DNAJB6: variants seen among roughly 807,000 people sequenced by gnomAD.
DNAJB6 encodes the protein dnaJ homolog subfamily B member 6.
Under a neutral mutation model 42.7 loss-of-function variants are expected in DNAJB6, and 16 were observed. The ratio of observed to expected loss-of-function variants is 0.37; its 90% confidence interval spans 0.25 to 0.57. The LOEUF is 0.57. Ranked by LOEUF, DNAJB6 falls within the 20% of genes least tolerant of loss-of-function variation. The pLI is 0.74. For missense variants in DNAJB6, 347 were observed against 416.8 expected, an observed-to-expected ratio of 0.83 and a Z score of 1.46; for synonymous variants, 170 against 163.5, an observed-to-expected ratio of 1.04 and a Z score of -0.30.
intron 2 of DNAJB6, among the ~76,000 whole-genome samples, chr7:157,360,637 T>A (rs1269560680): frequency 6.6e-6 from 1 of 152,256 alleles, no homozygotes; most frequent in Admixed American, 6.5e-5. Flanking sequence ...CCTGCACTCC[T>A]GAGTGTACAG....
intron 8 of DNAJB6, among the ~76,000 whole-genome samples, chr7:157,395,235 G>C (rs547756751): frequency 6.6e-6 from 1 of 152,232 alleles, no homozygotes. Flanking sequence ...GGCTGGGGGG[G>C]GGTTGGTGCT....
chr7:157,339,281 CTTTTTTTTTTTTTT>C (rs34284253), intron 1 of DNAJB6, among the ~76,000 whole-genome samples: 22 of 68,288 alleles, frequency 3.2e-4, no homozygotes, highest in East Asian at 1.1e-3. Context: ...CTGTTTGCAC[CTTTTTTTTTTTTTT>C]TTTTTTTTTT....
intron 9 of DNAJB6, chr7:157,413,427 C>T (rs1290618655): frequency 6.6e-6 from 1 of 152,202 alleles, no homozygotes; most frequent in African/African-American, 2.4e-5. Flanking sequence ...CTAACCCTGC[C>T]CTCAGCTTTC....
In DNAJB6 at chr7:157,350,490, G is replaced by A. The variant is rs572025584; in HGVS notation, c.-26-8057G>A. Reference sequence around the variant, plus strand: ...ATTCCTGTAGTTAACTAAAATTCAGGGCTTGACTTTGGAGATAATGAGTTC... The same window carrying A: ...ATTCCTGTAGTTAACTAAAATTCAGAGCTTGACTTTGGAGATAATGAGTTC... On this transcript the variant is annotated intron_variant, in intron 1 of 9. Transcript: ENST00000262177. Among the ~76,000 whole-genome samples the A allele has an allele frequency of 1.5e-4, 23 of 152,200 alleles. No individual in the cohort carries two copies. In the South Asian group the frequency reaches 4.8e-3, roughly 32 times the overall value.
intron 1 of DNAJB6, among the ~76,000 whole-genome samples, chr7:157,343,741 C>A (rs1389133635): frequency 1.3e-5 from 2 of 152,140 alleles, no homozygotes; most frequent in Non-Finnish European, 2.9e-5. Flanking sequence ...GAGCTACCCA[C>A]GCCTAATCTT....
At chr7:157,342,333 ATTTTTTTTT>A (rs11329531) in intron 1 of DNAJB6, among the ~76,000 whole-genome samples, 113 of 60,430 alleles carry the variant, frequency 1.9e-3, no homozygotes, top group Middle Eastern at 0.018. Context: ...ATCCTGGCTA[ATTTTTTTTT>A]TTTTTTTTTT....
intron 1 of DNAJB6, among the ~76,000 whole-genome samples, chr7:157,357,928 C>G (rs12698049): frequency 0.55 from 84,000 of 151,978 alleles, 23,533 homozygotes; most frequent in East Asian, 0.76. Context: ...TATTGTATTT[C>G]TTTGGTAGAG....
In DNAJB6 at chr7:157,366,487, TC is replaced by T; in HGVS notation, c.176-14del. ...AAAGGAACTTGGCCTTACCGACTTTTCTTTCAATTTTTAGCTAAGAAACGGG... is the reference window on the plus strand; with the variant it reads ...AAAGGAACTTGGCCTTACCGACTTTTTTTCAATTTTTAGCTAAGAAACGGG... On this transcript the variant is annotated splice_polypyrimidine_tract_variant and intron_variant, in intron 3 of 9. Transcript: ENST00000262177. 6.2e-7 allele frequency: 1 copy of T among 1,613,738 alleles called. No homozygotes were observed. The highest frequency in any genetic ancestry group is 8.5e-7 in the Non-Finnish European group (1 of 1,179,788).
chr7:157,366,867 G>C (rs1413733053), intron 4 of DNAJB6, among the ~76,000 whole-genome samples: 2 of 152,190 alleles, frequency 1.3e-5, no homozygotes, highest in Non-Finnish European at 2.9e-5. Context: ...AGGGTTTAAA[G>C]AGCAGATTTT....
intron 8 of DNAJB6, among the ~76,000 whole-genome samples, chr7:157,403,999 T>A (rs1795650494): frequency 6.6e-6 from 1 of 151,724 alleles, no homozygotes; most frequent in Non-Finnish European, 1.5e-5. Context: ...AAGGCAGGAT[T>A]TCTGTTACCC....
chr7:157,398,463 T>G (rs187651142), intron 8 of DNAJB6, among the ~76,000 whole-genome samples: 2 of 152,350 alleles, frequency 1.3e-5, no homozygotes, highest in East Asian at 3.9e-4. Flanking sequence ...TGCAGGAGTT[T>G]GTTTTCATCT....
At chr7:157,384,168 G>C (rs1307077043) in intron 6 of DNAJB6, among the ~76,000 whole-genome samples, 1 of 152,348 alleles carries the variant, frequency 6.6e-6, no homozygotes, top group East Asian at 1.9e-4. Flanking sequence ...AGTGTGACTT[G>C]TGAAAGTTTT....
At chr7:157,349,552 G>A (rs184779378) in intron 1 of DNAJB6, among the ~76,000 whole-genome samples, 50 of 152,046 alleles carry the variant, frequency 3.3e-4, no homozygotes, top group Non-Finnish European at 6.3e-4. Flanking sequence ...GTAAAATCAC[G>A]GCTCACTGCA....
At chr7:157,343,847 T>G (rs1430902122) in intron 1 of DNAJB6, among the ~76,000 whole-genome samples, 5 of 152,240 alleles carry the variant, frequency 3.3e-5, no homozygotes, top group Non-Finnish European at 7.3e-5. Context: ...CTAATTTTTT[T>G]CATGGTTTTA....
intron 8 of DNAJB6, among the ~76,000 whole-genome samples, chr7:157,407,524 G>A (rs1430814126): frequency 6.6e-6 from 1 of 152,158 alleles, no homozygotes; most frequent in Non-Finnish European, 1.5e-5. Context: ...GCTTAGCACC[G>A]GCAGGTTCTG....
chr7:157,361,233 A>C (rs889417847), intron 2 of DNAJB6, among the ~76,000 whole-genome samples: 11 of 149,558 alleles, frequency 7.4e-5, no homozygotes, highest in Non-Finnish European at 1.6e-4. Flanking sequence ...ATCTCGGCTC[A>C]CTGCAACCTC....
intron 5 of DNAJB6, chr7:157,379,137 C>A (rs897740109): frequency 6.6e-6 from 1 of 152,070 alleles, no homozygotes; most frequent in African/African-American, 2.4e-5. Context: ...TAGTACTCAG[C>A]CAGCTTTTGA....
chr7:157,347,848 T>G (rs1409566777), intron 1 of DNAJB6, among the ~76,000 whole-genome samples: 1 of 152,210 alleles, frequency 6.6e-6, no homozygotes, highest in East Asian at 1.9e-4. Flanking sequence ...CTGGCTGGAG[T>G]GCAGTGGTGT....
chr7:157,409,722 C>G (rs1351528470), intron 8 of DNAJB6, 73 bp from the exon 9 acceptor site: 21 of 1,429,662 alleles, frequency 1.5e-5, no homozygotes, highest in Non-Finnish European at 1.7e-5. Flanking sequence ...GGCCAGCTTC[C>G]CTCCCTCTGC....
Sources: allele counts gnomAD v4.1 joint callset (sites outside exome capture counted in the v4.1 genomes callset), GRCh38; gene constraint gnomAD v4.1.1; transcripts MANE v1.5; gene names NCBI Gene and HGNC (gene_info 2026-07-23, HGNC 2026-07-21).